The following KRT12 variants were observed in gnomAD, a reference collection of about 807,000 sequenced individuals.
The protein encoded by KRT12 is keratin, type I cytoskeletal 12.
A neutral mutation model predicts 50.2 loss-of-function variants in KRT12; 43 were observed. That is an observed-to-expected ratio of 0.86 (90% confidence interval 0.67 to 1.11). The LOEUF is 1.11. Among genes scored for constraint, KRT12 ranks in the 50% least tolerant of loss-of-function variants. KRT12 has a pLI of 0.00. For synonymous variants in KRT12, 257 were observed against 253.6 expected, an observed-to-expected ratio of 1.01 and a Z score of -0.13; for missense variants, 588 against 625.6, an observed-to-expected ratio of 0.94 and a Z score of 0.64.
Position 40,866,769 on chromosome 17 carries a change from G to A in KRT12, c.418C>T (p.Leu140=). ...TCTTCTAGAGCTCGCACCTTATCCA[G>A]GTAGGAAGCTAATCTATCATTAAGA... ...QNLNDRLASY[L]DKVRALEEAN... Residue 140 remains leucine (L), a synonymous_variant, in exon 1 of 8, where the codon CTG becomes TTG. Coordinates refer to ENST00000251643, the MANE Select transcript of KRT12 (RefSeq NM_000223.4). 1.2e-6 allele frequency: 2 copies of A among 1,614,120 alleles called. No individual in the cohort carries two copies. The highest frequency in any genetic ancestry group is 1.7e-6 in the Non-Finnish European group (2 of 1,180,018).
At position 40,863,411 on chromosome 17, in the gene KRT12, G is replaced by A; in HGVS notation, c.1096-68C>T. 3 of 1,613,686 alleles carry A rather than the reference G, an allele frequency of 1.9e-6. No individual in the cohort carries two copies. Among genetic ancestry groups the A allele is most frequent in the Non-Finnish European group, 2.5e-6 (3 of 1,179,576 alleles). ...GACCGAAAAGAGGAGGGTAGCCAAC[G>A]GCTAATGTAATTTGGATGCAGCATT... is the stretch of plus-strand genomic sequence containing the variant. On this transcript the variant is annotated intron_variant, in intron 5 of 7. Coordinates refer to ENST00000251643, the MANE Select transcript of KRT12 (RefSeq NM_000223.4). The surrounding 1 kb of genome is among the most constrained non-coding windows in gnomAD (Gnocchi z 4.2).
intron 2 of KRT12, among the ~76,000 whole-genome samples, chr17:40,865,628 G>A (rs1906989242): frequency 6.6e-6 from 1 of 152,028 alleles, no homozygotes; most frequent in South Asian, 2.1e-4. Context: ...AGGAGTTTGA[G>A]ACCAGCCTGG....
At chr17:40,865,278 C>T (rs898868567) in intron 2 of KRT12, among the ~76,000 whole-genome samples, 1 of 152,198 alleles carries the variant, frequency 6.6e-6, no homozygotes, top group Non-Finnish European at 1.5e-5. Context: ...ATAGCAGCAG[C>T]CCCTCTCTAA....
intron 2 of KRT12, 53 bp downstream of exon 2, chr17:40,866,102 A>G (rs1907005319): frequency 6.1e-6 from 8 of 1,319,328 alleles, no homozygotes; most frequent in Admixed American, 3.4e-5. Flanking sequence ...GCAGGACAGT[A>G]GGACAGAAGA....
chr17:40,866,567 A>G, intron 1 of KRT12, 53 bp downstream of exon 1: 2 of 1,441,278 alleles, frequency 1.4e-6, no homozygotes, highest in Non-Finnish European at 9.7e-7. Context: ...AAAACATTGT[A>G]ATGGTAAAAA....
chr17:40,862,582 G>T lies in KRT12; in HGVS notation c.1370C>A (p.Ser457Ter). ...FVTDSKSQAQ[S>*]TDSSKDPTKT... ...CTGCATACCTTTAGAGGAATCAGTTGACTGTGCTTGTGATTTGGAGTCTGT... is the reference window on the plus strand; with the variant it reads ...CTGCATACCTTTAGAGGAATCAGTTTACTGTGCTTGTGATTTGGAGTCTGT... The change falls in exon 7 of 8, where the codon TCA (serine) becomes TAA (stop). Residue 457 changes from serine to a stop codon, truncating the protein, a stop_gained. Transcript: ENST00000251643. LOFTEE classifies it high-confidence loss of function. 1.2e-6 allele frequency: 2 copies of T among 1,612,668 alleles called. No homozygotes were observed. The highest frequency in any genetic ancestry group is 1.1e-5 in the South Asian group (1 of 91,024).
chr17:40,867,127 C>G lies in KRT12; in HGVS notation c.60G>C (p.Arg20=), dbSNP rs761086617. 22 of 1,612,994 alleles carry G rather than the reference C, an allele frequency of 1.4e-5. No homozygotes were observed. Among genetic ancestry groups the G allele is most frequent in the Admixed American group, 3.3e-5 (2 of 60,004 alleles). ...TGCCTATCACACTCTGCGAGGAGAG[C>G]CGCCGGGACAGTCCGGGGGTGCGCA... ...LSVRTPGLSR[R]LSSQSVIGRP... Residue 20 remains arginine (R), a synonymous_variant, in exon 1 of 8, where the codon CGG becomes CGC. Transcript: ENST00000251643.
Position 40,864,970 on chromosome 17 carries a change from C to T in KRT12, c.651-8G>A, listed in dbSNP as rs755786587. On this transcript the variant is annotated splice_region_variant and splice_polypyrimidine_tract_variant and intron_variant, in intron 2 of 7. Coordinates refer to ENST00000251643, the MANE Select transcript of KRT12 (RefSeq NM_000223.4). Reference sequence around the variant, plus strand: ...GCCAGTTCATTCTCATACCTGAAAACCAAGTGCAAAGCAGTTGAGGGAATC... The same window carrying T: ...GCCAGTTCATTCTCATACCTGAAAATCAAGTGCAAAGCAGTTGAGGGAATC... The T allele has an allele frequency of 4.3e-6, 7 of 1,614,214 alleles. No homozygotes were observed. The South Asian group carries it at 7.7e-5, about 18-fold the overall frequency.
intron 3 of KRT12, among the ~76,000 whole-genome samples, 189 bp downstream of exon 3, chr17:40,864,617 A>C (rs916928): frequency 0.82 from 124,599 of 151,732 alleles, 51,355 homozygotes; most frequent in East Asian, 0.99. Flanking sequence ...ACTACTACCA[A>C]CACACACACA....
At chr17:40,866,571 G>A (rs1356286556) in intron 1 of KRT12, 49 bp downstream of exon 1, 1 of 1,493,558 alleles carries the variant, frequency 6.7e-7, no homozygotes, top group Non-Finnish European at 9.3e-7. Context: ...CATTGTAATG[G>A]TAAAAAGGAA....
rs1016629044 is a variant in KRT12 at position 40,861,462 on chromosome 17, A to G, written c.*199T>C. On this transcript the variant is annotated 3_prime_UTR_variant, in exon 8 of 8. Transcript: ENST00000251643. ...GTAATTTTGATTTGTTACAAAGACC[A>G]ACATGACCAAAATGACTTGTGACTG... The G allele has an allele frequency of 1.2e-5, 7 of 605,002 alleles. No homozygotes were observed. The highest frequency in any genetic ancestry group is 1.8e-5 in the African/African-American group (1 of 54,164). The allele number at this position is 605,002 out of a possible 1,614,324, so 37.5% of individuals were successfully genotyped here.
At chr17:40,862,027 G>T (rs1250077279) in intron 7 of KRT12, among the ~76,000 whole-genome samples, 1 of 151,880 alleles carries the variant, frequency 6.6e-6, no homozygotes, top group Non-Finnish European at 1.5e-5. Context: ...AGCAGAGTAG[G>T]TTTTTTCCCT....
rs1906907912 is a variant in KRT12 at position 40,863,882 on chromosome 17, G to C, written c.808-18C>G. ...TGGAGCTCCTGGGGACAGCATGTGAGAGAGAGGGGCACAGGGGTCCATTGT... is the reference window on the plus strand; with the variant it reads ...TGGAGCTCCTGGGGACAGCATGTGACAGAGAGGGGCACAGGGGTCCATTGT... On this transcript the variant is annotated intron_variant, in intron 3 of 7. Transcript: ENST00000251643. This position sits in a 1 kb window ranked among gnomAD's most constrained non-coding sequence, Gnocchi z 4.2. 1 of 1,579,262 alleles carries C rather than the reference G, an allele frequency of 6.3e-7. No homozygotes were observed. Among genetic ancestry groups the C allele is most frequent in the African/African-American group, 1.4e-5 (1 of 73,652 alleles).
intron 6 of KRT12, 143 bp from the exon 7 acceptor site, chr17:40,862,778 T>C: frequency 1.4e-6 from 1 of 730,636 alleles, no homozygotes; most frequent in Non-Finnish European, 2.5e-6. Flanking sequence ...TTGGAAAGCT[T>C]GTTAGAGTAG....
intron 6 of KRT12, 125 bp downstream of exon 6, chr17:40,862,998 A>C: frequency 2.4e-6 from 2 of 826,552 alleles, no homozygotes; most frequent in Non-Finnish European, 4.1e-6. Context: ...AATCCCAGGC[A>C]TATCTTTACT....
Position 40,861,540 on chromosome 17 carries a change from A to G in KRT12, c.*121T>C. ...TTCAATGTGAATAGGGAATCCAAAGAAAATGGAACAGACAAAAATAGGGAT... is the reference window on the plus strand; with the variant it reads ...TTCAATGTGAATAGGGAATCCAAAGGAAATGGAACAGACAAAAATAGGGAT... On this transcript the variant is annotated 3_prime_UTR_variant, in exon 8 of 8. Coordinates refer to ENST00000251643, the MANE Select transcript of KRT12 (RefSeq NM_000223.4). 2.8e-6 allele frequency: 2 copies of G among 723,070 alleles called. No individual in the cohort carries two copies. Among genetic ancestry groups the G allele is most frequent in the East Asian group, 2.7e-5 (1 of 37,616 alleles). 44.8% of individuals were successfully genotyped at this position (723,070 alleles called of 1,614,324 possible). A position where few individuals can be genotyped will look rare whatever the true frequency, so the allele number is the denominator to read the frequency against.
chr17:40,866,712 C>A lies in KRT12; in HGVS notation c.475G>T (p.Glu159Ter). The stretch of plus-strand genomic sequence containing the variant: ...CCAGTTCCTCGTGTTTCATACCATT[C>A]TCGAATTTTATTTTCTAGCTCAGTA... Reference protein sequence around the residue: ...ANTELENKIREWYETRGTGTA... With the variant: ...ANTELENKIR The change falls in exon 1 of 8, where the codon GAA becomes TAA. Residue 159 changes from glutamate (E) to a stop codon, truncating the protein, a stop_gained. Transcript: ENST00000251643. LOFTEE classifies it high-confidence loss of function. 1 of 1,614,194 alleles carries A rather than the reference C, an allele frequency of 6.2e-7. No homozygotes were observed. Among genetic ancestry groups the A allele is most frequent in the South Asian group, 1.1e-5 (1 of 91,084 alleles).
At chr17:40,865,468 C>A in intron 2 of KRT12, among the ~76,000 whole-genome samples, 1 of 152,144 alleles carries the variant, frequency 6.6e-6, no homozygotes, top group East Asian at 1.9e-4. Context: ...ATTAGTATTT[C>A]TTACCTATAT....
At position 40,863,953 on chromosome 17, in the gene KRT12, TACACACACACAC is replaced by T. The variant is rs71155107; in HGVS notation, c.808-101_808-90del. Reference sequence around the variant, plus strand: ...ACTTTTGTCCTCTTGGGCCCCTTCCTACACACACACACACACACACACACACACACACACACA... The same window carrying T: ...ACTTTTGTCCTCTTGGGCCCCTTCCTACACACACACACACACACACACACA... On this transcript the variant is annotated intron_variant, in intron 3 of 7. Transcript: ENST00000251643. The surrounding 1 kb of genome is among the most constrained non-coding windows in gnomAD (Gnocchi z 4.2). 4.5e-3 allele frequency: 2,330 copies of T among 513,768 alleles called. 48 individuals are homozygous for T. Among genetic ancestry groups the T allele is most frequent in the African/African-American group, 0.045 (2,086 of 46,462 alleles). The allele number at this position is 513,768 out of a possible 1,614,324, so 31.8% of individuals were successfully genotyped here.
Sources: gnomAD v4.1 joint callset for allele counts (sites outside exome capture counted in the v4.1 genomes callset) on GRCh38, gnomAD v4.1.1 for gene constraint, Gnocchi (gnomAD v3.1) non-coding constraint, MANE v1.5 for transcripts, NCBI Gene and HGNC (gene_info 2026-07-23, HGNC 2026-07-21) for gene names.